Variants in KCTD8 observed in about 807,000 individuals in gnomAD.
KCTD8 encodes potassium channel tetramerization domain containing 8.
In KCTD8, 27 loss-of-function variants were observed where a neutral mutation model predicts 31.5. The ratio of observed to expected loss-of-function variants is 0.86; its 90% CI spans 0.63 to 1.18. KCTD8 has a LOEUF of 1.18. KCTD8 is among the 50% of genes most tolerant of loss of function. The pLI, the probability that KCTD8 is intolerant of heterozygous loss-of-function variation, is 0.00. For missense variants in KCTD8, 658 were observed against 647.7 expected (o/e 1.02, Z -0.17); for synonymous variants, 290 against 280.0 (o/e 1.04, Z -0.36).
intron 1 of KCTD8, among the ~76,000 whole-genome samples, chr4:44,400,142 A>T (rs918979159): frequency 1.3e-5 from 2 of 152,214 alleles, no homozygotes; most frequent in Admixed American, 1.3e-4. Flanking sequence ...AGAAGAAAAC[A>T]GGCTAAAATT....
In KCTD8 at chr4:44,361,706, A is replaced by G. The variant is rs188451089; in HGVS notation, c.961+85857T>C. Among the ~76,000 whole-genome samples, 1,024 of 152,214 alleles carry G rather than the reference A, an allele frequency of 6.7e-3. 7 individuals are homozygous for G. Among genetic ancestry groups the G allele is most frequent in the Non-Finnish European group, 0.011 (717 of 67,964 alleles). ...GCCAATTTTTAATGATTTAATGAGA[A>G]AAAGATTGATCTCTATGAGAGGTAA... On this transcript the variant is annotated intron_variant, in intron 1 of 1. Coordinates refer to ENST00000360029, the MANE Select transcript of KCTD8 (RefSeq NM_198353.3).
intron 1 of KCTD8, among the ~76,000 whole-genome samples, chr4:44,437,455 A>T (rs927212381): frequency 6.6e-6 from 1 of 152,298 alleles, no homozygotes; most frequent in South Asian, 2.1e-4. Flanking sequence ...GAATAAATAT[A>T]AATGAACTGA....
intron 1 of KCTD8, among the ~76,000 whole-genome samples, chr4:44,248,001 G>C (rs943736399): frequency 6.6e-6 from 1 of 151,838 alleles, no homozygotes; most frequent in African/African-American, 2.4e-5. Context: ...ATTGAAATTA[G>C]AATCTTGCAG....
At chr4:44,195,608 A>C (rs1354076723) in intron 1 of KCTD8, among the ~76,000 whole-genome samples, 1 of 152,224 alleles carries the variant, frequency 6.6e-6, no homozygotes, top group African/African-American at 2.4e-5. Flanking sequence ...AATGATATGC[A>C]TATAACTAGA....
At chr4:44,279,747 A>C (rs1444211767) in intron 1 of KCTD8, among the ~76,000 whole-genome samples, 1 of 152,086 alleles carries the variant, frequency 6.6e-6, no homozygotes, top group Non-Finnish European at 1.5e-5. Context: ...GGTGCCAGCC[A>C]GATTTTGAAC....
intron 1 of KCTD8, among the ~76,000 whole-genome samples, chr4:44,401,522 G>A (rs550406553): frequency 2.0e-5 from 3 of 152,276 alleles, no homozygotes; most frequent in Admixed American, 1.3e-4. Context: ...TCAAGTCATA[G>A]TAAGGGTATA....
At chr4:44,175,808 C>A (rs1713197658) in intron 1 of KCTD8, among the ~76,000 whole-genome samples, 1 of 152,120 alleles carries the variant, frequency 6.6e-6, no homozygotes, top group South Asian at 2.1e-4. Context: ...TATTCTTAGT[C>A]TCTTAATCTT....
intron 1 of KCTD8, among the ~76,000 whole-genome samples, chr4:44,354,728 C>T (rs1320177150): frequency 6.6e-6 from 1 of 152,022 alleles, no homozygotes; most frequent in Non-Finnish European, 1.5e-5. Flanking sequence ...AACTAAGGCA[C>T]AGGAATGTTA....
At chr4:44,199,481 G>A (rs187468850) in intron 1 of KCTD8, among the ~76,000 whole-genome samples, 27 of 152,136 alleles carry the variant, frequency 1.8e-4, no homozygotes, top group Non-Finnish European at 2.2e-4. Flanking sequence ...CAATAAAAAT[G>A]TACATCAATA....
chr4:44,356,568 G>T (rs1719348649), intron 1 of KCTD8, among the ~76,000 whole-genome samples: 1 of 152,114 alleles, frequency 6.6e-6, no homozygotes, highest in African/African-American at 2.4e-5. Flanking sequence ...CCGCCTCCCG[G>T]GTTCAAGCGA....
At chr4:44,434,640 G>C (rs1454818569) in intron 1 of KCTD8, among the ~76,000 whole-genome samples, 1 of 151,864 alleles carries the variant, frequency 6.6e-6, no homozygotes, top group Non-Finnish European at 1.5e-5. Context: ...AGCATGGAGA[G>C]CAAGTTGAAC....
intron 1 of KCTD8, among the ~76,000 whole-genome samples, chr4:44,183,553 GT>G (rs1560388492): frequency 1.3e-5 from 2 of 152,224 alleles, no homozygotes; most frequent in South Asian, 2.1e-4. Flanking sequence ...AAATAGAAAA[GT>G]GGAAAAGATA....
intron 1 of KCTD8, among the ~76,000 whole-genome samples, chr4:44,315,369 T>C (rs1718076058): frequency 6.6e-6 from 1 of 152,044 alleles, no homozygotes; most frequent in Admixed American, 6.6e-5. Flanking sequence ...GAATTTTCTG[T>C]TTCTATAGCT....
At chr4:44,352,235 T>G (rs968622145) in intron 1 of KCTD8, among the ~76,000 whole-genome samples, 2 of 151,998 alleles carry the variant, frequency 1.3e-5, no homozygotes, top group Non-Finnish European at 2.9e-5. Context: ...GTGGTCTGTT[T>G]GGGTTCCACA....
intron 1 of KCTD8, among the ~76,000 whole-genome samples, chr4:44,410,559 C>T (rs780747198): frequency 3.3e-5 from 5 of 152,084 alleles, no homozygotes; most frequent in Non-Finnish European, 5.9e-5. Context: ...CTGATAAAGA[C>T]ATACCTGAGA....
At chr4:44,363,705 A>G (rs1719559096) in intron 1 of KCTD8, among the ~76,000 whole-genome samples, 1 of 152,138 alleles carries the variant, frequency 6.6e-6, no homozygotes, top group Non-Finnish European at 1.5e-5. Flanking sequence ...GTATACACAC[A>G]GTAGTCACTT....
chr4:44,230,740 C>G (rs1191387910), intron 1 of KCTD8, among the ~76,000 whole-genome samples: 2 of 152,166 alleles, frequency 1.3e-5, no homozygotes, highest in Non-Finnish European at 2.9e-5. Context: ...TGCTTATACC[C>G]TTGAGTGTTG....
At chr4:44,371,806 T>C (rs1719793929) in intron 1 of KCTD8, among the ~76,000 whole-genome samples, 3 of 152,160 alleles carry the variant, frequency 2.0e-5, no homozygotes, top group Admixed American at 2.0e-4. Context: ...GAAATGAATA[T>C]ATCTCATTTG....
chr4:44,288,554 C>A (rs73811998), intron 1 of KCTD8, among the ~76,000 whole-genome samples: 4,474 of 152,126 alleles, frequency 0.029, 237 homozygotes, highest in African/African-American at 0.1. Flanking sequence ...GTAGTAGATA[C>A]TTTGCATAGT....
Sources: allele counts gnomAD v4.1 joint callset (sites outside exome capture counted in the v4.1 genomes callset), GRCh38; gene constraint gnomAD v4.1.1; transcripts MANE v1.5; gene names NCBI Gene and HGNC (gene_info 2026-07-23, HGNC 2026-07-21).